EML5: variants seen among roughly 807,000 people sequenced by gnomAD.
The protein encoded by EML5 is echinoderm microtubule-associated protein-like 5.
EML5 carries 120 observed loss-of-function variants against 250.0 expected under a neutral mutation model. That is an observed-to-expected ratio of 0.48 (90% CI 0.41 to 0.56). EML5 has a LOEUF of 0.56. Among genes scored for constraint, EML5 ranks in the 20% least tolerant of loss-of-function variants. The probability of loss-of-function intolerance (pLI) is 0.00; values close to 1 mark genes in which losing one functional copy is unlikely to be tolerated. For synonymous variants in EML5, 771 were observed against 806.5 expected (o/e 0.96, Z 0.75); for missense variants, 2,006 against 2,437.6 (o/e 0.82, Z 3.73).
intron 7 of EML5, among the ~76,000 whole-genome samples, chr14:88,733,204 T>G (rs2093787810): frequency 6.6e-6 from 1 of 152,238 alleles, no homozygotes; most frequent in African/African-American, 2.4e-5. Context: ...CACCATACGT[T>G]GGACTATCCT....
chr14:88,702,551 G>T lies in EML5; in HGVS notation c.2133C>A (p.Val711=). ...GTGTGTTTTGCTGTCGATTATAAAT[G>T]ACACCCACTGCTGCCACATGGTACA... The part of the protein sequence containing the change: ...EIVYHVAAVG[V]IYNRQQNTQR... The change falls in exon 14 of 44, where the codon GTC becomes GTA. Residue 711 remains valine (V), a synonymous_variant. Transcript: ENST00000554922. 6.2e-7 allele frequency: 1 copy of T among 1,613,144 alleles called. No individual in the cohort carries two copies. The highest frequency in any genetic ancestry group is 8.5e-7 in the Non-Finnish European group (1 of 1,179,492).
intron 28 of EML5, among the ~76,000 whole-genome samples, chr14:88,647,376 G>GA (rs1001308693): frequency 1.4e-4 from 21 of 150,574 alleles, no homozygotes; most frequent in African/African-American, 4.9e-4. Context: ...TCAAAAAAAA[G>GA]AAAAAAAAGA....
In EML5 at chr14:88,622,623, C is replaced by T. The variant is rs2089207965; in HGVS notation, c.4994G>A (p.Arg1665His). The T allele has an allele frequency of 4.4e-6, 7 of 1,608,044 alleles. No individual in the cohort carries two copies. The highest frequency in any genetic ancestry group is 1.7e-5 in the Admixed American group (1 of 59,236). The change falls in exon 37 of 44, where the codon CGT becomes CAT. Residue 1665 changes from arginine (R) to histidine (H), a missense_variant. Arg to His is a conservative substitution (Grantham distance 29, BLOSUM62 0). Transcript: ENST00000554922. ...LETGQATDCV[R>H]SVCRGKGKIL... Reference sequence around the variant, plus strand: ...TCTTACTTTGCCTCTGCACACAGAACGAACACAATCTGTGGCTTGTCCTGT... The same window carrying T: ...TCTTACTTTGCCTCTGCACACAGAATGAACACAATCTGTGGCTTGTCCTGT...
rs200518597 is a variant in EML5, at chr14:88,653,921, C to CT, written c.4004+3454dup. Among the ~76,000 whole-genome samples, 18 of 151,688 alleles carry CT rather than the reference C, an allele frequency of 1.2e-4. No homozygotes were observed. In the East Asian group the frequency reaches 2.5e-3, roughly 21 times the overall value. On this transcript the variant is annotated intron_variant, in intron 27 of 43. Coordinates refer to ENST00000554922, the MANE Select transcript of EML5 (RefSeq NM_183387.3). ...GAATTCGGATGCGAATCCATCTGGG[C>CT]TTTTTTTTGGTTGGTAGGCTATTAA...
chr14:88,655,130 A>G (rs1006719547), intron 27 of EML5, among the ~76,000 whole-genome samples: 24 of 152,160 alleles, frequency 1.6e-4, no homozygotes, highest in Admixed American at 3.3e-4. Context: ...GAACTACTGT[A>G]AATTTCATAT....
intron 3 of EML5, 107 bp from the exon 4 acceptor site, chr14:88,744,198 C>T (rs2093970264): frequency 1.7e-6 from 1 of 572,392 alleles, no homozygotes; most frequent in Non-Finnish European, 2.9e-6. Flanking sequence ...AATAATATTC[C>T]TCAATAAATA....
intron 1 of EML5, among the ~76,000 whole-genome samples, chr14:88,784,462 C>G (rs1224581307): frequency 2.0e-5 from 3 of 151,346 alleles, no homozygotes; most frequent in South Asian, 2.1e-4. Context: ...GACATTACAA[C>G]TGATACTGCA....
At chr14:88,782,808 G>A (rs754530051) in intron 1 of EML5, among the ~76,000 whole-genome samples, 54 of 152,232 alleles carry the variant, frequency 3.5e-4, no homozygotes, top group Admixed American at 4.6e-4. Context: ...GATCGGGCAC[G>A]GTGGCTCACA....
Position 88,685,001 on chromosome 14 carries a change from G to T in EML5, c.2982+14C>A. 6.3e-7 allele frequency: 1 copy of T among 1,584,612 alleles called. No individual in the cohort carries two copies. The highest frequency in any genetic ancestry group is 8.6e-7 in the Non-Finnish European group (1 of 1,167,388). On this transcript the variant is annotated intron_variant, in intron 20 of 43. Transcript: ENST00000554922. ...TATGTAAAGAAAAAAAAACAAATTA[G>T]CATTTAAAATTACCTGAACCAGAAG... is the stretch of plus-strand genomic sequence containing the variant.
chr14:88,786,115 A>G (rs2094548706), intron 1 of EML5, among the ~76,000 whole-genome samples: 1 of 152,160 alleles, frequency 6.6e-6, no homozygotes, highest in South Asian at 2.1e-4. Context: ...CCCTTTACTT[A>G]ACATGTCCTT....
At chr14:88,710,879 C>T (rs1156422404) in intron 10 of EML5, among the ~76,000 whole-genome samples, 4 of 152,178 alleles carry the variant, frequency 2.6e-5, no homozygotes, top group African/African-American at 9.7e-5. Context: ...AACTACTACA[C>T]ATTTTATAAA....
intron 27 of EML5, among the ~76,000 whole-genome samples, chr14:88,655,222 A>T (rs1377269202): frequency 6.6e-6 from 1 of 152,218 alleles, no homozygotes; most frequent in African/African-American, 2.4e-5. Context: ...AGCTGACTTC[A>T]AACTATACTA....
At chr14:88,771,658 TCTC>T (rs1011482528) in intron 1 of EML5, among the ~76,000 whole-genome samples, 1 of 152,188 alleles carries the variant, frequency 6.6e-6, no homozygotes, top group African/African-American at 2.4e-5. Context: ...ATTCATCTCT[TCTC>T]CTTCACTGAA....
At position 88,717,147 on chromosome 14, in the gene EML5, A is replaced by G. The variant is rs1366934283; in HGVS notation, c.1188-1952T>C. Among the ~76,000 whole-genome samples the G allele has an allele frequency of 2.0e-5, 3 of 152,186 alleles. No homozygotes were observed. The East Asian group carries it at 5.8e-4, about 29-fold the overall frequency. On this transcript the variant is annotated intron_variant, in intron 8 of 43. Coordinates refer to ENST00000554922, the MANE Select transcript of EML5 (RefSeq NM_183387.3). ...ATCAAAGGAAGTGGAGTAGATAGCT[A>G]TGATGTCTCCATTTTGTTCTGAGGA...
In EML5 at chr14:88,763,516, G is replaced by A. The variant is rs564831317; in HGVS notation, c.198-8845C>T. On this transcript the variant is annotated intron_variant, in intron 1 of 43. Transcript: ENST00000554922. Reference sequence around the variant, plus strand: ...TCTGAAATTGAGGCAGTAATTAATAGCCTACCAACCAAAAAAAAGCCCAGG... The same window carrying A: ...TCTGAAATTGAGGCAGTAATTAATAACCTACCAACCAAAAAAAAGCCCAGG... Among the ~76,000 whole-genome samples, 7 of 152,062 alleles carry A rather than the reference G, an allele frequency of 4.6e-5. 1 individual carries two copies. The highest frequency in any genetic ancestry group is 1.7e-4 in the African/African-American group (7 of 41,490).
chr14:88,687,942 T>C lies in EML5; in HGVS notation c.2742+329A>G, dbSNP rs534992733. On this transcript the variant is annotated intron_variant, in intron 18 of 43. Transcript: ENST00000554922. ...AAAATTAGATGGGTGTGGGTGGCAC[T>C]TGCCTGTAGTCACAGCTACTCAAGA... Among the ~76,000 whole-genome samples, 8 of 152,142 alleles carry C rather than the reference T, an allele frequency of 5.3e-5. No homozygotes were observed. In the South Asian group the frequency reaches 1.7e-3, roughly 32 times the overall value.
intron 4 of EML5, among the ~76,000 whole-genome samples, chr14:88,743,106 A>G (rs2093948406): frequency 6.6e-6 from 1 of 152,114 alleles, no homozygotes; most frequent in Admixed American, 6.6e-5. Flanking sequence ...TCATAAGCAA[A>G]GTAAATAGTG....
At chr14:88,682,346 C>A (rs1441791331) in intron 20 of EML5, among the ~76,000 whole-genome samples, 1 of 151,746 alleles carries the variant, frequency 6.6e-6, no homozygotes, top group Non-Finnish European at 1.5e-5. Context: ...GAGGTACTTT[C>A]CTGCATGAGA....
At position 88,712,596 on chromosome 14, in the gene EML5, C is replaced by T; in HGVS notation, c.1445-113G>A. On this transcript the variant is annotated intron_variant, in intron 9 of 43. Coordinates refer to ENST00000554922, the MANE Select transcript of EML5 (RefSeq NM_183387.3). Reference sequence around the variant, plus strand: ...AAATTTAATGTATCTTCCCACCCCACTTAGAGGAAAATACATAAATAGGTA... The same window carrying T: ...AAATTTAATGTATCTTCCCACCCCATTTAGAGGAAAATACATAAATAGGTA... The T allele has an allele frequency of 1.2e-5, 9 of 754,534 alleles. No homozygotes were observed. The South Asian group carries it at 2.0e-4, about 17-fold the overall frequency. 46.7% of individuals were successfully genotyped at this position (754,534 alleles called of 1,614,324 possible).
Sources: gnomAD v4.1 joint callset for allele counts (sites outside exome capture counted in the v4.1 genomes callset) on GRCh38, gnomAD v4.1.1 for gene constraint, MANE v1.5 for transcripts, NCBI Gene and HGNC (gene_info 2026-07-23, HGNC 2026-07-21) for gene names.